The following NARS2 variants were observed in gnomAD, a reference collection of about 807,000 sequenced individuals.
The protein encoded by NARS2 is asparaginyl-tRNA synthetase 2, mitochondrial.
In NARS2, 60 loss-of-function variants were observed where a neutral mutation model predicts 62.9. The observed-to-expected ratio is 0.95, with a 90% CI of 0.77 to 1.18. The LOEUF (loss-of-function observed/expected upper bound fraction) is 1.18, where lower values mean the gene tolerates loss of function less well. Ranked by LOEUF, NARS2 falls within the 50% of genes most tolerant of loss-of-function variation. NARS2 has a pLI of 0.00. For missense variants in NARS2, 619 were observed against 576.4 expected, an observed-to-expected ratio of 1.07 and a Z score of -0.76; for synonymous variants, 196 against 200.0, an observed-to-expected ratio of 0.98 and a Z score of 0.17.
chr11:78,571,287 G>C lies in NARS2; in HGVS notation c.251+48C>G, dbSNP rs1056702322. On this transcript the variant is annotated intron_variant, in intron 2 of 13. Coordinates refer to ENST00000281038, the MANE Select transcript of NARS2 (RefSeq NM_024678.6). ...TGGAGTAGGGAAGTGAGAAGCACTA[G>C]AGGTGAAAAACAAAAATCAAAGAAT... is the stretch of plus-strand genomic sequence containing the variant. 2.5e-6 allele frequency: 3 copies of C among 1,199,344 alleles called. No homozygotes were observed. In the African/African-American group the frequency reaches 4.5e-5, roughly 18 times the overall value. 74.3% of individuals were successfully genotyped at this position (1,199,344 alleles called of 1,614,324 possible).
At chr11:78,543,668 T>C (rs1044360130) in intron 5 of NARS2, among the ~76,000 whole-genome samples, 2 of 152,084 alleles carry the variant, frequency 1.3e-5, no homozygotes, top group African/African-American at 2.4e-5. Context: ...ACAGCAGGAA[T>C]AGATACAACA....
chr11:78,510,658 T>C (rs1481378703), intron 6 of NARS2, among the ~76,000 whole-genome samples: 4 of 152,214 alleles, frequency 2.6e-5, no homozygotes, highest in Admixed American at 2.6e-4. Flanking sequence ...TGTGCATGTG[T>C]TATTTATTCA....
intron 6 of NARS2, among the ~76,000 whole-genome samples, chr11:78,509,697 C>A (rs185040922): frequency 6.6e-6 from 1 of 151,732 alleles, no homozygotes; most frequent in African/African-American, 2.4e-5. Context: ...ATATCAACAA[C>A]TGAAAGGGGT....
chr11:78,542,784 A>C (rs1855674725), intron 5 of NARS2, among the ~76,000 whole-genome samples: 1 of 152,170 alleles, frequency 6.6e-6, no homozygotes, highest in African/African-American at 2.4e-5. Context: ...CTGTAGTTTT[A>C]GTAACTCTAG....
At chr11:78,565,471 A>G (rs1294393329) in intron 4 of NARS2, among the ~76,000 whole-genome samples, 1 of 152,218 alleles carries the variant, frequency 6.6e-6, no homozygotes, top group East Asian at 1.9e-4. Context: ...TACTACCTTG[A>G]GATCTTTCAG....
chr11:78,441,151 C>T lies in NARS2; in HGVS notation c.1263-34G>A, dbSNP rs201102102. 2.3e-4 allele frequency: 364 copies of T among 1,593,728 alleles called. 1 individual carries two copies. Among genetic ancestry groups the T allele is most frequent in the African/African-American group, 2.0e-3 (151 of 74,334 alleles). ...AGGAAAATAAAATTCTTTCAGGGAA[C>T]GGCAATAAGATAAATATTAACCACT... On this transcript the variant is annotated intron_variant, in intron 12 of 13. Transcript: ENST00000281038.
intron 6 of NARS2, among the ~76,000 whole-genome samples, chr11:78,501,419 T>C (rs897595382): frequency 1.3e-5 from 2 of 152,206 alleles, no homozygotes; most frequent in Non-Finnish European, 2.9e-5. Context: ...AGGATTCCCC[T>C]GAGAGGATGT....
At chr11:78,533,377 T>C (rs1404739191) in intron 5 of NARS2, 2 of 152,120 alleles carry the variant, frequency 1.3e-5, no homozygotes, top group South Asian at 2.1e-4. Context: ...TTCTCTGAGA[T>C]TAAAAAGTCT....
intron 11 of NARS2, among the ~76,000 whole-genome samples, chr11:78,445,751 A>G (rs1857737720): frequency 6.6e-6 from 1 of 152,042 alleles, no homozygotes. Context: ...GGAATTTGAG[A>G]CCAGCCTGGG....
chr11:78,477,076 T>G (rs1859130699), intron 9 of NARS2, among the ~76,000 whole-genome samples: 1 of 152,190 alleles, frequency 6.6e-6, no homozygotes, highest in Admixed American at 6.5e-5. Flanking sequence ...ATTCAACAAA[T>G]GGTGAATATT....
chr11:78,515,842 T>C (rs1860890524), intron 6 of NARS2, among the ~76,000 whole-genome samples: 1 of 152,208 alleles, frequency 6.6e-6, no homozygotes, highest in Non-Finnish European at 1.5e-5. Flanking sequence ...GTACTTTTAA[T>C]GGATGAATTT....
At chr11:78,503,782 A>G (rs1860377136) in intron 6 of NARS2, among the ~76,000 whole-genome samples, 1 of 152,224 alleles carries the variant, frequency 6.6e-6, no homozygotes, top group Non-Finnish European at 1.5e-5. Context: ...GAGTTAGCCT[A>G]TAGAAAGAAT....
chr11:78,535,931 T>G (rs1443639378), intron 5 of NARS2, among the ~76,000 whole-genome samples: 2 of 152,130 alleles, frequency 1.3e-5, no homozygotes, highest in African/African-American at 4.8e-5. Context: ...CATTTTTAAC[T>G]TGGTTATTTT....
At chr11:78,447,085 C>A (rs1161858600) in intron 11 of NARS2, among the ~76,000 whole-genome samples, 2 of 149,134 alleles carry the variant, frequency 1.3e-5, no homozygotes, top group East Asian at 2.0e-4. Flanking sequence ...CTAACAGGTG[C>A]AAGAAAAAAT....
At chr11:78,443,259 A>G (rs555926429) in intron 12 of NARS2, among the ~76,000 whole-genome samples, 2 of 151,280 alleles carry the variant, frequency 1.3e-5, no homozygotes, top group South Asian at 2.1e-4. Context: ...CCCGGGAGGC[A>G]GAGCTTGCAG....
At chr11:78,458,772 T>G (rs909032411) in intron 11 of NARS2, among the ~76,000 whole-genome samples, 5 of 152,232 alleles carry the variant, frequency 3.3e-5, no homozygotes, top group Non-Finnish European at 7.3e-5. Flanking sequence ...ATGGTTTTGC[T>G]GGGTGTCCCC....
chr11:78,454,140 T>G (rs1858068412), intron 11 of NARS2, among the ~76,000 whole-genome samples: 2 of 152,204 alleles, frequency 1.3e-5, no homozygotes, highest in South Asian at 4.1e-4. Flanking sequence ...AACATTTCAG[T>G]AAACGGCACC....
At chr11:78,438,736 G>T (rs1857487116) in intron 13 of NARS2, among the ~76,000 whole-genome samples, 1 of 152,202 alleles carries the variant, frequency 6.6e-6, no homozygotes, top group Non-Finnish European at 1.5e-5. Flanking sequence ...ACTAGTTACA[G>T]ATTTAATTTG....
chr11:78,472,023 A>G (rs983817092), intron 9 of NARS2, among the ~76,000 whole-genome samples: 1 of 152,150 alleles, frequency 6.6e-6, no homozygotes, highest in Non-Finnish European at 1.5e-5. Flanking sequence ...AAGCAGTAAG[A>G]TTTTGTACCA....
Sources: allele counts gnomAD v4.1 joint callset (sites outside exome capture counted in the v4.1 genomes callset), GRCh38; gene constraint gnomAD v4.1.1; transcripts MANE v1.5; gene names NCBI Gene and HGNC (gene_info 2026-07-23, HGNC 2026-07-21).